Variants in DGKD observed in about 807,000 individuals in gnomAD.
DGKD encodes diacylglycerol kinase delta, also known as DAG kinase delta.
A neutral mutation model predicts 154.4 loss-of-function variants in DGKD; 68 were observed. The ratio of observed to expected loss-of-function variants is 0.44; its 90% CI spans 0.36 to 0.54. The LOEUF (loss-of-function observed/expected upper bound fraction) is 0.54. Among genes scored for constraint, DGKD ranks in the 20% least tolerant of loss-of-function variants. The pLI, the probability that DGKD is intolerant of heterozygous loss-of-function variation, is 0.00. For synonymous variants in DGKD, 693 were observed against 638.0 expected (o/e 1.09, Z -1.30); for missense variants, 1,343 against 1,593.6 (o/e 0.84, Z 2.68).
rs571483660 is a variant in DGKD at position 233,461,941 on chromosome 2, G to A, written c.2982-407G>A. The stretch of plus-strand genomic sequence containing the variant: ...TGCACCAGGATTGTCCTGTTCAGAT[G>A]AGGGTCCTTTTGTCCCCAGGGACAG... On this transcript the variant is annotated intron_variant, in intron 24 of 29. Transcript: ENST00000264057. 1.1e-3 allele frequency among the ~76,000 whole-genome samples: 170 copies of A among 152,374 alleles called. 2 individuals are homozygous for A. Among genetic ancestry groups the A allele is most frequent in the African/African-American group, 3.9e-3 (164 of 41,592 alleles).
At chr2:233,414,702 C>T (rs945292749) in intron 3 of DGKD, among the ~76,000 whole-genome samples, 2 of 152,160 alleles carry the variant, frequency 1.3e-5, no homozygotes, top group African/African-American at 4.8e-5. Flanking sequence ...TTGAAAGCTT[C>T]AGGTTGTTTC....
intron 3 of DGKD, among the ~76,000 whole-genome samples, chr2:233,400,032 G>A (rs1279235194): frequency 1.3e-5 from 2 of 152,202 alleles, no homozygotes; most frequent in East Asian, 3.8e-4. Context: ...TGTACACAGT[G>A]ACATGATCAC....
At position 233,452,295 on chromosome 2, in the gene DGKD, G is replaced by A. The variant is rs540554494; in HGVS notation, c.2264+235G>A. Among the ~76,000 whole-genome samples, 2 of 152,276 alleles carry A rather than the reference G, an allele frequency of 1.3e-5. No homozygotes were observed. The highest frequency in any genetic ancestry group is 2.1e-4 in the South Asian group (1 of 4,806). On this transcript the variant is annotated intron_variant, in intron 18 of 29. Coordinates refer to ENST00000264057, the MANE Select transcript of DGKD (RefSeq NM_152879.3). This position sits in a 1 kb window ranked among gnomAD's most constrained non-coding sequence, Gnocchi z 4.0. ...TCCCATCTCCTTCCCAAGGTCCCACGGTGCTTGCTTGACGTCCCCTGAGCC... is the reference window on the plus strand; with the variant it reads ...TCCCATCTCCTTCCCAAGGTCCCACAGTGCTTGCTTGACGTCCCCTGAGCC...
chr2:233,431,630 G>C (rs1438335800), intron 3 of DGKD, among the ~76,000 whole-genome samples: 1 of 152,118 alleles, frequency 6.6e-6, no homozygotes, highest in Non-Finnish European at 1.5e-5. Context: ...AACAGACACA[G>C]AACAATGGAA....
chr2:233,412,189 A>G (rs949976470), intron 3 of DGKD, among the ~76,000 whole-genome samples: 10 of 152,186 alleles, frequency 6.6e-5, no homozygotes, highest in Admixed American at 4.6e-4. Flanking sequence ...CTGTAGATCA[A>G]TTTGGGGAGA....
At chr2:233,450,900 G>A in intron 16 of DGKD, 22 bp from the exon 17 acceptor site, 1 of 1,590,000 alleles carries the variant, frequency 6.3e-7, no homozygotes, top group African/African-American at 1.3e-5. Flanking sequence ...CAGCTGTAAG[G>A]TTTTCTGCTG....
At chr2:233,370,718 C>A (rs1019488569) in intron 1 of DGKD, among the ~76,000 whole-genome samples, 8 of 151,818 alleles carry the variant, frequency 5.3e-5, no homozygotes, top group African/African-American at 1.7e-4. Context: ...CATTCATGTA[C>A]AAATTATTAT....
rs1262402626 is a variant in DGKD, at chr2:233,354,635, C to T, written c.117C>T (p.Leu39=). ...CGGAGCCCGGCTCCCCACAGAAGCTCATCCGCAAGGTGTCCACGTCGGGTC... is the reference window on the plus strand; with the variant it reads ...CGGAGCCCGGCTCCCCACAGAAGCTTATCCGCAAGGTGTCCACGTCGGGTC... ...PEAEPGSPQK[L]IRKVSTSGQI... is the part of the protein sequence containing the mutation. The change falls in exon 1 of 30, where the codon CTC becomes CTT. Residue 39 remains leucine, a synonymous_variant. Coordinates refer to ENST00000264057, the MANE Select transcript of DGKD (RefSeq NM_152879.3). This position sits in a 1 kb window ranked among gnomAD's most constrained non-coding sequence, Gnocchi z 4.8. The T allele has an allele frequency of 8.9e-6, 10 of 1,120,160 alleles. No individual in the cohort carries two copies. Among genetic ancestry groups the T allele is most frequent in the East Asian group, 8.7e-5 (1 of 11,526 alleles). The allele number at this position is 1,120,160 out of a possible 1,614,324, so 69.4% of individuals were successfully genotyped here.
intron 3 of DGKD, among the ~76,000 whole-genome samples, chr2:233,401,476 G>A (rs967132150): frequency 6.6e-6 from 1 of 152,120 alleles, no homozygotes; most frequent in African/African-American, 2.4e-5. Context: ...ATTTCACTGG[G>A]CTTCAGTTAG....
intron 3 of DGKD, among the ~76,000 whole-genome samples, chr2:233,396,554 C>T (rs888398809): frequency 2.0e-5 from 3 of 152,078 alleles, no homozygotes; most frequent in African/African-American, 7.2e-5. Context: ...AGACAAGCTC[C>T]GATGGAAGAG....
chr2:233,420,474 C>G (rs1366310054), intron 3 of DGKD, among the ~76,000 whole-genome samples: 1 of 152,196 alleles, frequency 6.6e-6, no homozygotes, highest in Non-Finnish European at 1.5e-5. Context: ...TTCCTGCTCC[C>G]CCTTCCCTGG....
At chr2:233,388,675 C>T (rs1207665706) in intron 2 of DGKD, 1 of 220,514 alleles carries the variant, frequency 4.5e-6, no homozygotes, top group Non-Finnish European at 8.8e-6. Flanking sequence ...CGGAGGGAAT[C>T]ACGGGGCTAT....
chr2:233,420,739 C>T (rs539735639), intron 3 of DGKD, among the ~76,000 whole-genome samples: 4 of 152,186 alleles, frequency 2.6e-5, no homozygotes, highest in South Asian at 2.1e-4. Context: ...TTCTGGGGAA[C>T]GAGGCATGAA....
intron 1 of DGKD, among the ~76,000 whole-genome samples, chr2:233,355,154 C>G (rs548484365): frequency 6.6e-6 from 1 of 152,188 alleles, no homozygotes; most frequent in Non-Finnish European, 1.5e-5. Flanking sequence ...GTGGTGCCCT[C>G]AGAAGTCCGC....
rs910050635 is a variant in DGKD at position 233,449,956 on chromosome 2, C to T, written c.1889-26C>T. 1.3e-6 allele frequency: 2 copies of T among 1,558,908 alleles called. No homozygotes were observed. The highest frequency in any genetic ancestry group is 1.7e-6 in the Non-Finnish European group (2 of 1,149,584). On this transcript the variant is annotated intron_variant, in intron 15 of 29. Transcript: ENST00000264057. The surrounding 1 kb of genome is among the most constrained non-coding windows in gnomAD (Gnocchi z 5.3). ...GCCCTTGGCTTTGCACCCGCGTGCT[C>T]AGCCGCACACACTCTCCTTGCACAG...
rs1378165953 is a variant in DGKD at position 233,440,885 on chromosome 2, G to A, written c.1086-1002G>A. On this transcript the variant is annotated intron_variant, in intron 9 of 29. Coordinates refer to ENST00000264057, the MANE Select transcript of DGKD (RefSeq NM_152879.3). This position sits in a 1 kb window ranked among gnomAD's most constrained non-coding sequence, Gnocchi z 4.9. ...GCGAGAGCACGGTGGTGACCTGAGC[G>A]GGTGGCTGGGTTGGGTGTGGAGGAG... Among the ~76,000 whole-genome samples the A allele has an allele frequency of 6.6e-6, 1 of 152,176 alleles. No individual in the cohort carries two copies. The highest frequency in any genetic ancestry group is 1.5e-5 in the Non-Finnish European group (1 of 68,034).
At chr2:233,406,767 A>G (rs2061696025) in intron 3 of DGKD, among the ~76,000 whole-genome samples, 1 of 152,186 alleles carries the variant, frequency 6.6e-6, no homozygotes. Context: ...GAGCTCTTGT[A>G]TGACTTCTCC....
chr2:233,397,812 C>T, intron 3 of DGKD, among the ~76,000 whole-genome samples: 1 of 151,052 alleles, frequency 6.6e-6, no homozygotes, highest in Non-Finnish European at 1.5e-5. Flanking sequence ...GTCTAGGGGG[C>T]AGTGGGCAGG....
Position 233,400,493 on chromosome 2 carries a change from C to T in DGKD, c.348+10010C>T, listed in dbSNP as rs148894234. Among the ~76,000 whole-genome samples, 1,055 of 152,366 alleles carry T rather than the reference C, an allele frequency of 6.9e-3. 7 individuals carry two copies. Among genetic ancestry groups the T allele is most frequent in the African/African-American group, 0.024 (1,001 of 41,592 alleles). On this transcript the variant is annotated intron_variant, in intron 3 of 29. Transcript: ENST00000264057. ...TGGCCTGGGCCTCCCTGGCCACCTG[C>T]TGGCATGGCCTCTCCCATTTGTGGG...
Sources: allele counts gnomAD v4.1 joint callset (sites outside exome capture counted in the v4.1 genomes callset), GRCh38; gene constraint gnomAD v4.1.1; non-coding constraint Gnocchi (gnomAD v3.1); transcripts MANE v1.5; gene names NCBI Gene and HGNC (gene_info 2026-07-23, HGNC 2026-07-21).